The following CASQ2 variants were observed in gnomAD, a reference collection of about 807,000 sequenced individuals.
CASQ2 encodes calsequestrin 2.
CASQ2 carries 49 observed loss-of-function variants against 46.5 expected under a neutral mutation model. The observed-to-expected ratio is 1.05, with a 90% confidence interval of 0.84 to 1.34. The LOEUF is 1.34. CASQ2 is among the 40% of genes most tolerant of loss of function. The probability of loss-of-function intolerance (pLI) is 0.00; values close to 1 mark genes in which losing one functional copy is unlikely to be tolerated. For synonymous variants in CASQ2, 174 were observed against 168.5 expected (o/e 1.03, Z -0.25); for missense variants, 486 against 481.3 (o/e 1.01, Z -0.09).
At position 115,713,036 on chromosome 1, in the gene CASQ2, A is replaced by T. The variant is rs534331807; in HGVS notation, c.838+4804T>A. 3.3e-5 allele frequency among the ~76,000 whole-genome samples: 5 copies of T among 152,270 alleles called. No homozygotes were observed. In the South Asian group the frequency reaches 1.0e-3, roughly 32 times the overall value. On this transcript the variant is annotated intron_variant, in intron 8 of 10. Coordinates refer to ENST00000261448, the MANE Select transcript of CASQ2 (RefSeq NM_001232.4). The stretch of plus-strand genomic sequence containing the variant: ...AACAGAGCTTGGAGACGTTCCTTCC[A>T]GGGCCTGTCACTAATTCTGTTCCAC...
chr1:115,726,496 G>T (rs1647597327), intron 6 of CASQ2, among the ~76,000 whole-genome samples: 1 of 152,152 alleles, frequency 6.6e-6, no homozygotes, highest in Non-Finnish European at 1.5e-5. Flanking sequence ...ATCCATGCTG[G>T]AGCTACACTA....
intron 8 of CASQ2, among the ~76,000 whole-genome samples, chr1:115,713,077 C>G (rs769727153): frequency 1.3e-5 from 2 of 151,954 alleles, no homozygotes; most frequent in Non-Finnish European, 2.9e-5. Flanking sequence ...CAGACAGCAG[C>G]CTTTCCTTGC....
intron 1 of CASQ2, among the ~76,000 whole-genome samples, chr1:115,750,888 A>G (rs1331511008): frequency 3.5e-5 from 1 of 28,648 alleles, no homozygotes; most frequent in East Asian, 1.4e-3. Flanking sequence ...TTGTTAAAAG[A>G]TTGTATCCTG....
intron 8 of CASQ2, among the ~76,000 whole-genome samples, chr1:115,706,531 G>A (rs143323190): frequency 2.0e-5 from 3 of 152,266 alleles, no homozygotes; most frequent in South Asian, 2.1e-4. Context: ...TAGTGGGGTT[G>A]GGGTGGAGGA....
intron 8 of CASQ2, among the ~76,000 whole-genome samples, chr1:115,710,795 G>A (rs1212776838): frequency 1.3e-5 from 2 of 152,206 alleles, no homozygotes; most frequent in African/African-American, 4.8e-5. Flanking sequence ...ACTCAGGCTT[G>A]GAGTCCTGAG....
chr1:115,724,257 C>T (rs147372952), intron 7 of CASQ2, among the ~76,000 whole-genome samples: 87 of 152,238 alleles, frequency 5.7e-4, no homozygotes, highest in African/African-American at 1.9e-3. Flanking sequence ...TCTGTATGAG[C>T]GTCAGTTTCT....
At chr1:115,711,171 TC>T (rs1442596681) in intron 8 of CASQ2, among the ~76,000 whole-genome samples, 1 of 152,174 alleles carries the variant, frequency 6.6e-6, no homozygotes, top group Non-Finnish European at 1.5e-5. Flanking sequence ...AAGGGACCCT[TC>T]CTGACTCCAT....
At chr1:115,701,834 T>C (rs1654213900) in intron 10 of CASQ2, among the ~76,000 whole-genome samples, 1 of 152,206 alleles carries the variant, frequency 6.6e-6, no homozygotes, top group African/African-American at 2.4e-5. Flanking sequence ...AATTTTAAAG[T>C]AGCTTACAAA....
At chr1:115,724,809 G>A (rs1474843471) in intron 7 of CASQ2, among the ~76,000 whole-genome samples, 1 of 152,178 alleles carries the variant, frequency 6.6e-6, no homozygotes, top group Non-Finnish European at 1.5e-5. Flanking sequence ...AGCTCAGAAA[G>A]GCCACAGGAC....
chr1:115,738,350 G>A lies in CASQ2; in HGVS notation c.421-15C>T, dbSNP rs199939582. The A allele has an allele frequency of 4.4e-4, 630 of 1,423,526 alleles. 1 individual carries two copies. The highest frequency in any genetic ancestry group is 4.2e-4 in the Non-Finnish European group (425 of 1,006,216). 88.2% of individuals were successfully genotyped at this position (1,423,526 alleles called of 1,614,324 possible). The stretch of plus-strand genomic sequence containing the variant: ...TCTTCAATTAGCTGAAATGCCACAC[G>A]CACATACACACATGTTCAAACAAGA... On this transcript the variant is annotated splice_polypyrimidine_tract_variant and intron_variant, in intron 3 of 10. Transcript: ENST00000261448.
intron 7 of CASQ2, 82 bp downstream of exon 7, chr1:115,725,426 T>A: frequency 2.6e-6 from 4 of 1,513,778 alleles, no homozygotes; most frequent in East Asian, 4.5e-5. Flanking sequence ...TTGGTTTGAG[T>A]TTGGGGACTT....
At chr1:115,749,084 T>A (rs1477645346) in intron 1 of CASQ2, among the ~76,000 whole-genome samples, 1 of 152,194 alleles carries the variant, frequency 6.6e-6, no homozygotes, top group Non-Finnish European at 1.5e-5. Context: ...TGTCAGCACA[T>A]CCAAAGTGAT....
chr1:115,761,479 AAGAAGAAGGAGAAGAAGG>A (rs1231983245), intron 1 of CASQ2, among the ~76,000 whole-genome samples: 116 of 21,284 alleles, frequency 5.5e-3, no homozygotes, highest in African/African-American at 8.8e-3. Context: ...GAAGAAGAAG[AAGAAGAAGGAGAAGAAGG>A]AGAAGAAGAA....
chr1:115,753,208 T>C (rs776338966), intron 1 of CASQ2, among the ~76,000 whole-genome samples: 2 of 151,094 alleles, frequency 1.3e-5, no homozygotes, highest in Non-Finnish European at 3.0e-5. Context: ...GCGTGAGAGG[T>C]CAAGGCTTGA....
chr1:115,737,212 C>T (rs550759134), intron 4 of CASQ2, among the ~76,000 whole-genome samples: 42 of 152,278 alleles, frequency 2.8e-4, no homozygotes, highest in African/African-American at 1.0e-3. Context: ...TAGCCACCTC[C>T]CTCTAGCACA....
intron 8 of CASQ2, among the ~76,000 whole-genome samples, chr1:115,711,931 C>T (rs1238743484): frequency 6.6e-6 from 1 of 152,014 alleles, no homozygotes; most frequent in East Asian, 1.9e-4. Flanking sequence ...GGATTACAGG[C>T]GTAAGGGTTT....
intron 8 of CASQ2, among the ~76,000 whole-genome samples, chr1:115,709,296 G>A (rs544196512): frequency 7.9e-5 from 12 of 152,328 alleles, no homozygotes; most frequent in African/African-American, 2.9e-4. Context: ...GAAGGCAGGT[G>A]TAGGAAGCCG....
At chr1:115,763,423 G>A (rs1649027941) in intron 1 of CASQ2, among the ~76,000 whole-genome samples, 1 of 152,086 alleles carries the variant, frequency 6.6e-6, no homozygotes. Flanking sequence ...TAGCCCCAGA[G>A]AGGAGGAGTG....
chr1:115,725,409 A>G, intron 7 of CASQ2, 99 bp downstream of exon 7: 1 of 1,380,778 alleles, frequency 7.2e-7, no homozygotes, highest in Non-Finnish European at 1.0e-6. Flanking sequence ...ACCTCAGCCA[A>G]ATAAACTTGG....
Sources: allele counts gnomAD v4.1 joint callset (sites outside exome capture counted in the v4.1 genomes callset), GRCh38; gene constraint gnomAD v4.1.1; transcripts MANE v1.5; gene names NCBI Gene and HGNC (gene_info 2026-07-23, HGNC 2026-07-21).